LGSN: variants seen among roughly 807,000 people sequenced by gnomAD.
LGSN encodes lengsin, lens protein with glutamine synthetase domain.
LGSN carries 21 observed loss-of-function variants against 19.5 expected under a neutral mutation model. The ratio of observed to expected loss-of-function variants is 1.07; its 90% CI spans 0.76 to 1.55. The LOEUF (loss-of-function observed/expected upper bound fraction) is 1.55. Ranked by LOEUF, LGSN falls within the 40% of genes most tolerant of loss-of-function variation. LGSN has a pLI of 0.00. For synonymous variants in LGSN, 257 were observed against 215.6 expected, an observed-to-expected ratio of 1.19 and a Z score of -1.68; for missense variants, 673 against 608.5, an observed-to-expected ratio of 1.11 and a Z score of -1.12.
chr6:63,465,484 C>A, the LGSN span, among the ~76,000 whole-genome samples: 1 of 152,064 alleles, frequency 6.6e-6, no homozygotes, highest in Non-Finnish European at 1.5e-5. Flanking sequence ...GCTCAGCCTG[C>A]ACATCTATTT....
At chr6:63,441,148 G>A in the LGSN span, 1 of 195,464 alleles carries the variant, frequency 5.1e-6, no homozygotes, top group South Asian at 9.4e-5. Context: ...GGCCGAGGTT[G>A]CAGTGAGCCG....
At chr6:63,357,373 G>A in the LGSN span, among the ~76,000 whole-genome samples, 2 of 152,252 alleles carry the variant, frequency 1.3e-5, no homozygotes, top group African/African-American at 2.4e-5. Context: ...GGGTCAAATG[G>A]TATTTCTAGT....
chr6:63,321,227 G>T (rs1296934427), upstream of LGSN, among the ~76,000 whole-genome samples: 1 of 152,094 alleles, frequency 6.6e-6, no homozygotes, highest in African/African-American at 2.4e-5. Flanking sequence ...CCTCTTCTGA[G>T]ACCACATTTG....
chr6:63,292,941 C>T (rs188463513), intron 2 of LGSN, among the ~76,000 whole-genome samples: 1 of 152,260 alleles, frequency 6.6e-6, no homozygotes. Flanking sequence ...CTCTAACGTC[C>T]CACTCTGGTA....
the LGSN span, among the ~76,000 whole-genome samples, chr6:63,404,023 C>A: frequency 3.9e-5 from 6 of 152,036 alleles, no homozygotes; most frequent in African/African-American, 1.4e-4. Context: ...AGTCCTACAA[C>A]CACAAGGAAA....
the LGSN span, among the ~76,000 whole-genome samples, chr6:63,340,220 T>C: frequency 6.6e-6 from 1 of 152,150 alleles, no homozygotes; most frequent in Non-Finnish European, 1.5e-5. Flanking sequence ...GTTTTGATAG[T>C]TTGACTATAA....
the LGSN span, among the ~76,000 whole-genome samples, chr6:63,503,565 G>A: frequency 6.6e-6 from 1 of 152,174 alleles, no homozygotes; most frequent in Non-Finnish European, 1.5e-5. Flanking sequence ...CATATATTCA[G>A]ACTTGGGCTA....
chr6:63,541,862 T>C, the LGSN span, among the ~76,000 whole-genome samples: 1 of 152,250 alleles, frequency 6.6e-6, no homozygotes, highest in Non-Finnish European at 1.5e-5. Context: ...CATCAATATT[T>C]CCCTCTGTAC....
the LGSN span, among the ~76,000 whole-genome samples, chr6:63,355,891 C>A: frequency 6.6e-6 from 1 of 152,144 alleles, no homozygotes; most frequent in Admixed American, 6.5e-5. Context: ...GTTACTCATG[C>A]TGGTTGTGAA....
the LGSN span, among the ~76,000 whole-genome samples, chr6:63,558,287 A>G: frequency 6.6e-6 from 1 of 152,104 alleles, no homozygotes; most frequent in African/African-American, 2.4e-5. Flanking sequence ...GGAAGGAGGG[A>G]GGGATGGAGG....
In LGSN at chr6:63,277,074, A is replaced by G. The variant is rs1416394069; in HGVS notation, c.*2947T>C. 6.6e-6 allele frequency: 1 copy of G among 152,218 alleles called. No individual in the cohort carries two copies. The highest frequency in any genetic ancestry group is 1.5e-5 in the Non-Finnish European group (1 of 68,038). 9.4% of individuals were successfully genotyped at this position (152,218 alleles called of 1,614,324 possible). ...TATGGCTGAATATTTTCTTTGACTC[A>G]CGACTGTACACTTAATACTGAAGAT... On this transcript the variant is annotated 3_prime_UTR_variant, in exon 4 of 4. Transcript: ENST00000370657.
At chr6:63,420,119 C>G in the LGSN span, among the ~76,000 whole-genome samples, 1 of 150,540 alleles carries the variant, frequency 6.6e-6, no homozygotes, top group Non-Finnish European at 1.5e-5. Flanking sequence ...AGGAGAATGG[C>G]GTGAACTCGG....
the LGSN span, among the ~76,000 whole-genome samples, chr6:63,383,842 A>G: frequency 1.3e-5 from 2 of 152,218 alleles, no homozygotes; most frequent in Non-Finnish European, 2.9e-5. Flanking sequence ...CTCATAGAGG[A>G]TACAGTATAC....
At chr6:63,560,354 A>AG in the LGSN span, among the ~76,000 whole-genome samples, 1 of 149,852 alleles carries the variant, frequency 6.7e-6, no homozygotes, top group East Asian at 1.9e-4. Flanking sequence ...AAAAAAAAAA[A>AG]AAAGAAAGAA....
chr6:63,328,805 G>C, the LGSN span, among the ~76,000 whole-genome samples: 1 of 152,212 alleles, frequency 6.6e-6, no homozygotes, highest in Non-Finnish European at 1.5e-5. Context: ...TACTAGATGA[G>C]TATTTGCCCT....
chr6:63,392,371 C>T, the LGSN span: 1 of 152,370 alleles, frequency 6.6e-6, no homozygotes, highest in Non-Finnish European at 1.5e-5. Flanking sequence ...TAAATGAGAG[C>T]AGCACTATCA....
rs774957586 is a variant in LGSN at position 63,280,115 on chromosome 6, G to T, written c.1436C>A (p.Thr479Asn). The T allele has an allele frequency of 3.1e-6, 5 of 1,614,122 alleles. No homozygotes were observed. Among genetic ancestry groups the T allele is most frequent in the South Asian group, 1.1e-5 (1 of 91,068 alleles). Residue 479 changes from threonine (T) to asparagine (N), a missense_variant, in exon 4 of 4, where the codon ACC becomes AAC. Transcript: ENST00000370657. ...CATGGCAACAAAATATCGAATAAAGGTTTCTCCTAGAGCCTGTCTCAGGCA... is the reference window on the plus strand; with the variant it reads ...CATGGCAACAAAATATCGAATAAAGTTTTCTCCTAGAGCCTGTCTCAGGCA... Reference protein sequence around the residue: ...DQCLRQALGETFIRYFVAMKK... With the variant: ...DQCLRQALGENFIRYFVAMKK...
At chr6:63,445,036 G>A in the LGSN span, among the ~76,000 whole-genome samples, 1 of 152,198 alleles carries the variant, frequency 6.6e-6, no homozygotes, top group African/African-American at 2.4e-5. Context: ...TCATAGCCTG[G>A]CGCGGTGGCT....
the LGSN span, among the ~76,000 whole-genome samples, chr6:63,360,430 C>T: frequency 2.3e-4 from 35 of 152,208 alleles, no homozygotes; most frequent in Non-Finnish European, 4.0e-4. Flanking sequence ...ATCCTGATAC[C>T]CTTTCTTCCA....
Sources: allele counts gnomAD v4.1 joint callset (sites outside exome capture counted in the v4.1 genomes callset), GRCh38; gene constraint gnomAD v4.1.1; transcripts MANE v1.5; gene names NCBI Gene and HGNC (gene_info 2026-07-23, HGNC 2026-07-21).